Variants in VPS50 observed in about 807,000 individuals in gnomAD.
The protein encoded by VPS50 is VPS50 subunit of EARP/GARPII complex.
A neutral mutation model predicts 139.7 loss-of-function variants in VPS50; 70 were observed. The ratio of observed to expected loss-of-function variants is 0.50; its 90% CI spans 0.41 to 0.61. The LOEUF is 0.61. Ranked by LOEUF, VPS50 falls within the 20% of genes least tolerant of loss-of-function variation. The pLI, the probability that VPS50 is intolerant of heterozygous loss-of-function variation, is 0.00. For synonymous variants in VPS50, 365 were observed against 376.7 expected (o/e 0.97, Z 0.36); for missense variants, 921 against 1,133.7 (o/e 0.81, Z 2.69).
chr7:93,280,834 T>C (rs1796303648), intron 12 of VPS50, among the ~76,000 whole-genome samples: 1 of 152,182 alleles, frequency 6.6e-6, no homozygotes, highest in South Asian at 2.1e-4. Flanking sequence ...CTTTGAGTTC[T>C]GTTTTTATGA....
At chr7:93,248,025 T>C (rs1228539371) in intron 2 of VPS50, among the ~76,000 whole-genome samples, 1 of 152,010 alleles carries the variant, frequency 6.6e-6, no homozygotes, top group Non-Finnish European at 1.5e-5. Flanking sequence ...TAGCCTGTAG[T>C]TGACAAATTA....
At chr7:93,344,145 C>CA (rs1798312952) in intron 23 of VPS50, among the ~76,000 whole-genome samples, 1 of 151,948 alleles carries the variant, frequency 6.6e-6, no homozygotes, top group Admixed American at 6.6e-5. Flanking sequence ...ATCTACCAAG[C>CA]AAATCGAAAA....
intron 25 of VPS50, 30 bp downstream of exon 25, chr7:93,350,063 A>C: frequency 6.5e-7 from 1 of 1,531,324 alleles, no homozygotes; most frequent in South Asian, 1.1e-5. Flanking sequence ...CCTGTGCTAA[A>C]GATCAATCTA....
chr7:93,324,212 A>T (rs575052517), intron 21 of VPS50, among the ~76,000 whole-genome samples: 1 of 152,234 alleles, frequency 6.6e-6, no homozygotes, highest in Non-Finnish European at 1.5e-5. Context: ...TTTTCTAGAT[A>T]TACAATCATG....
chr7:93,309,069 G>A (rs1178893583), intron 19 of VPS50, 127 bp downstream of exon 19: 17 of 442,250 alleles, frequency 3.8e-5, no homozygotes, highest in Non-Finnish European at 1.6e-5. Context: ...CCTGACAGAA[G>A]TTAGTATGTT....
At chr7:93,271,392 TC>T in intron 10 of VPS50, 130 bp downstream of exon 10, 1 of 1,304,030 alleles carries the variant, frequency 7.7e-7, no homozygotes, top group Non-Finnish European at 9.9e-7. Context: ...TTCTTGATTT[TC>T]ATTTGGAATA....
At position 93,242,734 on chromosome 7, in the gene VPS50, A is replaced by G. The variant is rs1230990464; in HGVS notation, c.102+2800A>G. Among the ~76,000 whole-genome samples the G allele has an allele frequency of 3.3e-5, 5 of 152,090 alleles. No homozygotes were observed. The East Asian group carries it at 9.7e-4, about 29-fold the overall frequency. On this transcript the variant is annotated intron_variant, in intron 2 of 27. Coordinates refer to ENST00000305866, the MANE Select transcript of VPS50 (RefSeq NM_017667.4). ...CAGGAATCGGCTCCTTTCTTTTCATAGTATCTTTCTAAGTTAGGACAGGGA... is the reference window on the plus strand; with the variant it reads ...CAGGAATCGGCTCCTTTCTTTTCATGGTATCTTTCTAAGTTAGGACAGGGA...
At chr7:93,281,708 A>T (rs1418194252) in intron 12 of VPS50, among the ~76,000 whole-genome samples, 1 of 152,206 alleles carries the variant, frequency 6.6e-6, no homozygotes, top group Non-Finnish European at 1.5e-5. Context: ...AATCATTAAT[A>T]TACATTCTCT....
intron 23 of VPS50, among the ~76,000 whole-genome samples, chr7:93,344,817 A>G (rs1181266673): frequency 5.9e-5 from 9 of 152,074 alleles, no homozygotes; most frequent in Non-Finnish European, 8.8e-5. Flanking sequence ...TCTCTGGGAC[A>G]CATTCAAAGC....
At chr7:93,259,491 TCAGG>T in intron 8 of VPS50, 55 bp from the exon 9 acceptor site, 2 of 863,746 alleles carry the variant, frequency 2.3e-6, no homozygotes, top group Non-Finnish European at 3.8e-6. Context: ...TTTTTTTTTA[TCAGG>T]GGCTTTAAGA....
intron 1 of VPS50, among the ~76,000 whole-genome samples, chr7:93,236,307 G>A (rs569752083): frequency 6.6e-6 from 1 of 152,242 alleles, no homozygotes; most frequent in African/African-American, 2.4e-5. Flanking sequence ...GATTAGAGTG[G>A]GTTCAGGAGA....
At chr7:93,358,130 T>A (rs539905403) in intron 27 of VPS50, among the ~76,000 whole-genome samples, 187 bp from the exon 28 acceptor site, 1 of 152,154 alleles carries the variant, frequency 6.6e-6, no homozygotes, top group Non-Finnish European at 1.5e-5. Flanking sequence ...AGTATTCTTA[T>A]TCTCTCCTAT....
intron 20 of VPS50, among the ~76,000 whole-genome samples, chr7:93,315,910 T>G (rs1797414848): frequency 6.6e-6 from 1 of 151,990 alleles, no homozygotes; most frequent in Non-Finnish European, 1.5e-5. Context: ...GAAACCATAG[T>G]CTTTGTACTT....
At chr7:93,297,795 A>G (rs944961958) in intron 16 of VPS50, among the ~76,000 whole-genome samples, 1 of 152,198 alleles carries the variant, frequency 6.6e-6, no homozygotes, top group Non-Finnish European at 1.5e-5. Context: ...AAGAATGTTT[A>G]TAATAGCAGT....
intron 1 of VPS50, among the ~76,000 whole-genome samples, chr7:93,234,478 A>G (rs1055508531): frequency 2.0e-5 from 3 of 152,244 alleles, no homozygotes; most frequent in East Asian, 3.8e-4. Context: ...GGAGTTTTGC[A>G]TACATATTTA....
intron 20 of VPS50, among the ~76,000 whole-genome samples, chr7:93,313,473 A>T (rs966152542): frequency 2.6e-5 from 4 of 152,224 alleles, no homozygotes; most frequent in Admixed American, 2.6e-4. Context: ...ACAAAGTTGA[A>T]GAGTGGGCAC....
At position 93,276,309 on chromosome 7, in the gene VPS50, T is replaced by C; in HGVS notation, c.942+4T>C. On this transcript the variant is annotated splice_donor_region_variant and intron_variant, in intron 12 of 27. Transcript: ENST00000305866. ...GCAATATAAGGATCTCTGTACAGTA[T>C]GTAGTGACTTAATTACTATTCATAT... The C allele has an allele frequency of 2.5e-6, 4 of 1,609,500 alleles. No individual in the cohort carries two copies. The highest frequency in any genetic ancestry group is 1.1e-5 in the South Asian group (1 of 90,596).
At chr7:93,264,310 T>C (rs1795775154) in intron 9 of VPS50, among the ~76,000 whole-genome samples, 1 of 152,156 alleles carries the variant, frequency 6.6e-6, no homozygotes, top group Non-Finnish European at 1.5e-5. Flanking sequence ...TGACAGAGAG[T>C]CATATAGTTG....
chr7:93,279,292 ATTCT>A (rs1253977650), intron 12 of VPS50, among the ~76,000 whole-genome samples: 2 of 152,168 alleles, frequency 1.3e-5, no homozygotes, highest in African/African-American at 4.8e-5. Context: ...TTTGGAAGAA[ATTCT>A]TTCTTTCTAG....
Sources: allele counts gnomAD v4.1 joint callset (sites outside exome capture counted in the v4.1 genomes callset), GRCh38; gene constraint gnomAD v4.1.1; transcripts MANE v1.5; gene names NCBI Gene and HGNC (gene_info 2026-07-23, HGNC 2026-07-21).